Variants in KMT2A observed in about 807,000 individuals in gnomAD.
KMT2A encodes the protein histone-lysine N-methyltransferase 2A.
KMT2A carries 16 observed loss-of-function variants against 345.3 expected under a neutral mutation model. The observed-to-expected ratio is 0.05, with a 90% CI of 0.03 to 0.07. The LOEUF is 0.07. KMT2A is among the 10% of genes least tolerant of loss of function. The pLI is 1.00. For synonymous variants in KMT2A, 1,599 were observed against 1,778.6 expected (o/e 0.90, Z 2.54); for missense variants, 3,272 against 4,841.6 (o/e 0.68, Z 9.62).
At chr11:118,463,635 T>C (rs1163809105) in intron 1 of KMT2A, among the ~76,000 whole-genome samples, 1 of 152,230 alleles carries the variant, frequency 6.6e-6, no homozygotes. Flanking sequence ...AAAACTATTC[T>C]ACAGCCAGTT....
chr11:118,487,325 C>T (rs1555041135), intron 10 of KMT2A, among the ~76,000 whole-genome samples: 2 of 152,074 alleles, frequency 1.3e-5, no homozygotes. Flanking sequence ...TTGTACATAG[C>T]AATCTCACAG....
At chr11:118,457,019 G>C (rs925671798) in intron 1 of KMT2A, among the ~76,000 whole-genome samples, 1 of 151,962 alleles carries the variant, frequency 6.6e-6, no homozygotes, top group South Asian at 2.1e-4. Context: ...ATGTCTATAG[G>C]ATCTGTCCTT....
chr11:118,512,446 G>C (rs1054560676), intron 31 of KMT2A: 11 of 175,406 alleles, frequency 6.3e-5, no homozygotes, highest in Admixed American at 6.1e-4. Flanking sequence ...CTTCCCTTCT[G>C]TTACATCTTC....
chr11:118,446,845 A>T (rs1348511954), intron 1 of KMT2A, among the ~76,000 whole-genome samples: 5 of 152,224 alleles, frequency 3.3e-5, no homozygotes, highest in Non-Finnish European at 7.3e-5. Context: ...AAAATTTCAG[A>T]TTCTCAGCGC....
At chr11:118,438,448 G>C (rs1346221045) in intron 1 of KMT2A, among the ~76,000 whole-genome samples, 1 of 139,528 alleles carries the variant, frequency 7.2e-6, no homozygotes, top group East Asian at 2.4e-4. Flanking sequence ...GAGGGGGGAG[G>C]ATGGCATGGG....
At position 118,472,640 on chromosome 11, in the gene KMT2A, A is replaced by T; in HGVS notation, c.1481A>T (p.Glu494Val). The T allele has an allele frequency of 1.2e-6, 2 of 1,612,660 alleles. No homozygotes were observed. The highest frequency in any genetic ancestry group is 1.7e-6 in the Non-Finnish European group (2 of 1,179,788). ...VDTSTDSQAS[E>V]EIQVLPEERS... ...ACCTCCACAGACTCTCAGGCTTCTG[A>T]GGAGATTCAGGTACTTCCTGAGGAG... The change falls in exon 3 of 36, where the codon GAG (glutamate) becomes GTG (valine). Residue 494 changes from glutamate to valine, a missense_variant. Glu to Val is a moderately radical substitution (Grantham distance 121, BLOSUM62 -2). This residue lies in a region of KMT2A where 180 missense variants were observed against 190.7 expected (regional missense o/e 0.94). Transcript: ENST00000534358.
intron 1 of KMT2A, among the ~76,000 whole-genome samples, chr11:118,466,421 C>T (rs1283288140): frequency 6.6e-6 from 1 of 152,130 alleles, no homozygotes; most frequent in African/African-American, 2.4e-5. Context: ...CCTCTCAAGG[C>T]GCTGGGATTA....
At position 118,497,366 on chromosome 11, in the gene KMT2A, C is replaced by T. The variant is rs1464810192; in HGVS notation, c.5665-570C>T. Among the ~76,000 whole-genome samples, 1 of 152,160 alleles carries T rather than the reference C, an allele frequency of 6.6e-6. No individual in the cohort carries two copies. The highest frequency in any genetic ancestry group is 1.5e-5 in the Non-Finnish European group (1 of 68,026). On this transcript the variant is annotated intron_variant, in intron 20 of 35. Coordinates refer to ENST00000534358, the MANE Select transcript of KMT2A (RefSeq NM_001197104.2). This position sits in a 1 kb window ranked among gnomAD's most constrained non-coding sequence, Gnocchi z 4.8. The stretch of plus-strand genomic sequence containing the variant: ...AATACAGTTTATAGATGTCACTGCA[C>T]ATTTTTATAAACTTACCACCTATTG...
chr11:118,438,144 G>C (rs1591334695), intron 1 of KMT2A, among the ~76,000 whole-genome samples: 1 of 152,166 alleles, frequency 6.6e-6, no homozygotes, highest in South Asian at 2.1e-4. Flanking sequence ...TTAGTGTGGT[G>C]GCGGTGGTTG....
Position 118,502,757 on chromosome 11 carries a change from T to C in KMT2A, c.6865T>C (p.Ser2289Pro), listed in dbSNP as rs1555046193. Reference protein sequence around the residue: ...KNSHLDGSSSSEMKQSSASDL... With the variant: ...KNSHLDGSSSPEMKQSSASDL... ...CAGTCACTTGGATGGATCTTCATCT[T>C]CAGAAATGAAGCAGTCCAGTGCTTC... The change falls in exon 27 of 36, where the codon TCA (serine) becomes CCA (proline). Residue 2289 changes from serine to proline, a missense_variant. Coordinates refer to ENST00000534358, the MANE Select transcript of KMT2A (RefSeq NM_001197104.2). The surrounding 1 kb of genome is among the most constrained non-coding windows in gnomAD (Gnocchi z 4.9). 6.2e-7 allele frequency: 1 copy of C among 1,614,140 alleles called. No individual in the cohort carries two copies. Among genetic ancestry groups the C allele is most frequent in the Admixed American group, 1.7e-5 (1 of 60,010 alleles).
intron 10 of KMT2A, among the ~76,000 whole-genome samples, chr11:118,485,299 A>G (rs1950209350): frequency 6.6e-6 from 1 of 152,196 alleles, no homozygotes; most frequent in Non-Finnish European, 1.5e-5. Flanking sequence ...GTTATTTTAT[A>G]TTGTATATCA....
intron 15 of KMT2A, among the ~76,000 whole-genome samples, chr11:118,492,652 C>T (rs1555042859): frequency 6.6e-6 from 1 of 152,212 alleles, no homozygotes. Context: ...GCACTCAAGC[C>T]TGGGTGACAG....
rs782512555 is a variant in KMT2A, at chr11:118,494,789, T to A, written c.5363+22T>A. The A allele has an allele frequency of 1.9e-6, 3 of 1,591,058 alleles. No individual in the cohort carries two copies. The East Asian group carries it at 6.7e-5, about 36-fold the overall frequency. ...GCAAGTAAGTGAATTTAGCATAACTTTTTTTTCTCCTCATCGGCTAGAAAT... is the reference window on the plus strand; with the variant it reads ...GCAAGTAAGTGAATTTAGCATAACTATTTTTTCTCCTCATCGGCTAGAAAT... On this transcript the variant is annotated intron_variant, in intron 18 of 35. Coordinates refer to ENST00000534358, the MANE Select transcript of KMT2A (RefSeq NM_001197104.2). This position sits in a 1 kb window ranked among gnomAD's most constrained non-coding sequence, Gnocchi z 5.8.
Position 118,526,493 on chromosome 11 carries a change from C to G in KMT2A, c.*4321C>G. On this transcript the variant is annotated 3_prime_UTR_variant, in exon 36 of 36. Coordinates refer to ENST00000534358, the MANE Select transcript of KMT2A (RefSeq NM_001197104.2). Reference sequence around the variant, plus strand: ...GCTCAACAGATGACAAGCTTCTTTTCTAGAAATAAGACATTTTTTGACAAC... The same window carrying G: ...GCTCAACAGATGACAAGCTTCTTTTGTAGAAATAAGACATTTTTTGACAAC... The G allele has an allele frequency of 4.4e-6, 1 of 228,976 alleles. No individual in the cohort carries two copies. The highest frequency in any genetic ancestry group is 6.3e-5 in the East Asian group (1 of 15,914). The allele number at this position is 228,976 out of a possible 1,614,324, so 14.2% of individuals were successfully genotyped here. A position where few individuals can be genotyped will look rare whatever the true frequency, so the allele number is the denominator to read the frequency against.
At chr11:118,519,866 A>T in intron 32 of KMT2A, 74 bp downstream of exon 32, 1 of 1,562,118 alleles carries the variant, frequency 6.4e-7, no homozygotes. Context: ...ATCTTCCCAC[A>T]TACCCTTTGA....
intron 15 of KMT2A, among the ~76,000 whole-genome samples, chr11:118,492,793 T>G (rs1464047551): frequency 1.3e-5 from 2 of 152,226 alleles, no homozygotes; most frequent in African/African-American, 4.8e-5. Context: ...GCTTTCTATG[T>G]TAAAAGGAAC....
At chr11:118,471,051 C>T (rs1185061294) in intron 2 of KMT2A, among the ~76,000 whole-genome samples, 1 of 152,218 alleles carries the variant, frequency 6.6e-6, no homozygotes, top group Non-Finnish European at 1.5e-5. Context: ...GATTAGTTCA[C>T]ATGCCACTGA....
At chr11:118,489,762 T>G in intron 11 of KMT2A, 30 bp from the exon 12 acceptor site, 1 of 1,588,960 alleles carries the variant, frequency 6.3e-7, no homozygotes, top group Non-Finnish European at 8.6e-7. Flanking sequence ...AATATGATGC[T>G]TATCTTTTTG....
In KMT2A at chr11:118,497,875, C is replaced by T. The variant is rs141200318; in HGVS notation, c.5665-61C>T. Reference sequence around the variant, plus strand: ...TTATCTTCACTGGAAAAGCTAATGCCGAGGAAAACCTCCTTTGGCATTATA... The same window carrying T: ...TTATCTTCACTGGAAAAGCTAATGCTGAGGAAAACCTCCTTTGGCATTATA... On this transcript the variant is annotated intron_variant, in intron 20 of 35. Coordinates refer to ENST00000534358, the MANE Select transcript of KMT2A (RefSeq NM_001197104.2). The surrounding 1 kb of genome is among the most constrained non-coding windows in gnomAD (Gnocchi z 4.8). 18 of 1,360,774 alleles carry T rather than the reference C, an allele frequency of 1.3e-5. No individual in the cohort carries two copies. The highest frequency in any genetic ancestry group is 1.2e-4 in the African/African-American group (8 of 69,346). 84.3% of individuals were successfully genotyped at this position (1,360,774 alleles called of 1,614,324 possible).
Sources: allele counts gnomAD v4.1 joint callset (sites outside exome capture counted in the v4.1 genomes callset), GRCh38; gene constraint gnomAD v4.1.1; regional missense constraint gnomAD v4.1.1; non-coding constraint Gnocchi (gnomAD v3.1); transcripts MANE v1.5; gene names NCBI Gene and HGNC (gene_info 2026-07-23, HGNC 2026-07-21).